Variants in ADK observed in about 807,000 individuals in gnomAD.
ADK encodes the protein N6,N6-dimethyladenosine kinase.
Under a neutral mutation model 44.7 loss-of-function variants are expected in ADK, and 24 were observed. The observed-to-expected ratio is 0.54, with a 90% CI of 0.39 to 0.76. The LOEUF (loss-of-function observed/expected upper bound fraction) is 0.76, where lower values mean the gene tolerates loss of function less well. Among genes scored for constraint, ADK ranks in the 30% least tolerant of loss-of-function variants. The pLI is 0.00. For synonymous variants in ADK, 128 were observed against 142.6 expected, an observed-to-expected ratio of 0.90 and a Z score of 0.73; for missense variants, 321 against 425.1, an observed-to-expected ratio of 0.76 and a Z score of 2.15.
At chr10:74,542,746 C>T (rs73274165) in intron 7 of ADK, among the ~76,000 whole-genome samples, 4,511 of 152,082 alleles carry the variant, frequency 0.03, 194 homozygotes, top group African/African-American at 0.091. Context: ...GCATATTTTA[C>T]TGTATCTTCT....
At chr10:74,374,711 T>C (rs986669392) in intron 4 of ADK, among the ~76,000 whole-genome samples, 2 of 152,182 alleles carry the variant, frequency 1.3e-5, no homozygotes, top group African/African-American at 4.8e-5. Flanking sequence ...CATCTTTTAC[T>C]AAATTCAGAG....
chr10:74,431,805 C>T (rs2133086668), intron 6 of ADK, among the ~76,000 whole-genome samples: 1 of 151,786 alleles, frequency 6.6e-6, no homozygotes, highest in East Asian at 1.9e-4. Context: ...GAGCAAGACT[C>T]TATCTCAGTC....
chr10:74,526,802 G>A (rs1201207129), intron 7 of ADK, among the ~76,000 whole-genome samples: 3 of 152,196 alleles, frequency 2.0e-5, no homozygotes, highest in African/African-American at 7.2e-5. Flanking sequence ...ACTGCTAGAA[G>A]CCTAATTTGA....
chr10:74,545,268 A>G (rs1437137526), intron 7 of ADK, among the ~76,000 whole-genome samples: 2 of 152,208 alleles, frequency 1.3e-5, no homozygotes, highest in East Asian at 3.8e-4. Context: ...TACTGATCAC[A>G]TTCTTTTCCT....
chr10:74,462,749 T>C (rs1254745359), intron 6 of ADK, among the ~76,000 whole-genome samples: 4 of 152,226 alleles, frequency 2.6e-5, no homozygotes, highest in Non-Finnish European at 5.9e-5. Context: ...ATGTGTTTGT[T>C]GTTACCTACA....
intron 1 of ADK, among the ~76,000 whole-genome samples, chr10:74,161,542 TG>T: frequency 6.6e-6 from 1 of 152,084 alleles, no homozygotes; most frequent in East Asian, 1.9e-4. Context: ...ATTTTTTTTT[TG>T]TTTTTAGAGA....
chr10:74,680,231 C>T (rs1003808149), intron 10 of ADK, among the ~76,000 whole-genome samples: 2 of 150,516 alleles, frequency 1.3e-5, no homozygotes, highest in Admixed American at 6.6e-5. Flanking sequence ...AGGAGAATGG[C>T]GTGAACCTGG....
At chr10:74,335,302 G>A (rs774931810) in intron 4 of ADK, among the ~76,000 whole-genome samples, 1 of 151,894 alleles carries the variant, frequency 6.6e-6, no homozygotes, top group Non-Finnish European at 1.5e-5. Flanking sequence ...GTGCCAAAAC[G>A]TGGCAGCCCA....
At chr10:74,638,008 A>C (rs994666742) in intron 9 of ADK, among the ~76,000 whole-genome samples, 3 of 152,234 alleles carry the variant, frequency 2.0e-5, no homozygotes, top group African/African-American at 7.2e-5. Context: ...CTTTCATCTT[A>C]GAATGGTCAG....
intron 4 of ADK, among the ~76,000 whole-genome samples, chr10:74,375,243 A>G (rs1262351099): frequency 6.6e-6 from 1 of 152,200 alleles, no homozygotes. Context: ...TTTTTAAAAA[A>G]TGATGCATTA....
chr10:74,200,699 G>A (rs1843347963), intron 1 of ADK, 65 bp from the exon 2 acceptor site: 1 of 1,050,768 alleles, frequency 9.5e-7, no homozygotes, highest in East Asian at 2.4e-5. Flanking sequence ...TTTTTATTTT[G>A]TGTACCTTTT....
chr10:74,179,450 C>T (rs1176899379), intron 1 of ADK, among the ~76,000 whole-genome samples: 3 of 152,094 alleles, frequency 2.0e-5, no homozygotes, highest in Non-Finnish European at 4.4e-5. Flanking sequence ...AAAGACCCTA[C>T]AACAGGATGC....
At chr10:74,280,878 TGTA>T (rs959358889) in intron 3 of ADK, among the ~76,000 whole-genome samples, 27 of 152,266 alleles carry the variant, frequency 1.8e-4, no homozygotes, top group African/African-American at 5.8e-4. Flanking sequence ...TATTTTGAAT[TGTA>T]GTTATTTTGT....
chr10:74,376,752 T>G (rs543379524), intron 4 of ADK, among the ~76,000 whole-genome samples: 2 of 151,684 alleles, frequency 1.3e-5, no homozygotes, highest in South Asian at 4.2e-4. Flanking sequence ...GTGTCTTTTA[T>G]TATTACTGCT....
intron 8 of ADK, among the ~76,000 whole-genome samples, chr10:74,591,495 T>C (rs184550794): frequency 6.6e-6 from 1 of 152,168 alleles, no homozygotes; most frequent in Non-Finnish European, 1.5e-5. Flanking sequence ...TAGATATTTT[T>C]AATCAAATGT....
At chr10:74,348,764 A>C (rs1035688543) in intron 4 of ADK, among the ~76,000 whole-genome samples, 4 of 151,804 alleles carry the variant, frequency 2.6e-5, no homozygotes, top group Non-Finnish European at 4.4e-5. Context: ...TTCATGAAGC[A>C]TACACAAGTA....
intron 6 of ADK, among the ~76,000 whole-genome samples, chr10:74,494,754 C>T (rs559786713): frequency 1.6e-4 from 24 of 152,170 alleles, no homozygotes; most frequent in African/African-American, 5.8e-4. Context: ...CCTCTGCCTC[C>T]CGGGCTCAAG....
At position 74,600,457 on chromosome 10, in the gene ADK, T is replaced by G. The variant is rs774509669; in HGVS notation, c.841T>G (p.Phe281Val). ...CTCAAAGAGGCAGCGAATCGTGATCTTCACCCAAGGGAGAGATGACACTAT... is the reference window on the plus strand; with the variant it reads ...CTCAAAGAGGCAGCGAATCGTGATCGTCACCCAAGGGAGAGATGACACTAT... ...MNSKRQRIVIFTQGRDDTIMA... is the reference protein window; with the variant it reads ...MNSKRQRIVIVTQGRDDTIMA... The change falls in exon 9 of 11, where the codon TTC (phenylalanine) becomes GTC (valine). Residue 281 changes from phenylalanine (F) to valine (V), a missense_variant. Phe to Val is a conservative substitution (Grantham distance 50). Transcript: ENST00000539909. 2 of 1,611,164 alleles carry G rather than the reference T, an allele frequency of 1.2e-6. No homozygotes were observed. Among genetic ancestry groups the G allele is most frequent in the African/African-American group, 2.7e-5 (2 of 74,714 alleles).
At chr10:74,544,970 A>G (rs1353018439) in intron 7 of ADK, among the ~76,000 whole-genome samples, 5 of 151,982 alleles carry the variant, frequency 3.3e-5, no homozygotes, top group African/African-American at 1.2e-4. Flanking sequence ...CTTCTCTTGA[A>G]TATCTCTCAC....
Sources: gnomAD v4.1 joint callset for allele counts (sites outside exome capture counted in the v4.1 genomes callset) on GRCh38, gnomAD v4.1.1 for gene constraint, MANE v1.5 for transcripts, NCBI Gene and HGNC (gene_info 2026-07-23, HGNC 2026-07-21) for gene names.